The following MBD6 variants were observed in gnomAD, a reference collection of about 807,000 sequenced individuals.
MBD6 encodes the protein methyl-CpG-binding domain protein 6.
A neutral mutation model predicts 66.8 loss-of-function variants in MBD6; 22 were observed. That is an observed-to-expected ratio of 0.33 (90% CI 0.24 to 0.47). MBD6 has a LOEUF of 0.47. MBD6 is among the 20% of genes least tolerant of loss of function. The pLI is 1.00. For synonymous variants in MBD6, 540 were observed against 534.6 expected (o/e 1.01, Z -0.14); for missense variants, 1,322 against 1,286.9 (o/e 1.03, Z -0.42).
Position 57,527,617 on chromosome 12 carries a change from A to AC in MBD6, c.2200dup (p.Gln734ProfsTer4), listed in dbSNP as rs749738168. The AC allele has an allele frequency of 1.1e-5, 18 of 1,610,226 alleles. No homozygotes were observed. The highest frequency in any genetic ancestry group is 1.6e-4 in the Middle Eastern group (1 of 6,064). ...GCAAGGCCCCCTCCAACTCAGGGAG[A>AC]CCCCCCCAACTCCTTAGCCCTCTGC... On this transcript the variant is annotated frameshift_variant, in exon 8 of 13. Coordinates refer to ENST00000355673, the MANE Select transcript of MBD6 (RefSeq NM_052897.4). LOFTEE classifies it high-confidence loss of function.
upstream of MBD6, chr12:57,522,759 A>AG (rs1878463343): frequency 1.3e-5 from 2 of 153,606 alleles, no homozygotes; most frequent in Non-Finnish European, 2.8e-5. Flanking sequence ...TGCGGCAGCG[A>AG]CGGCGGCGGC....
intron 9 of MBD6, 64 bp from the exon 10 acceptor site, chr12:57,528,083 C>T (rs117084250): frequency 0.017 from 25,557 of 1,532,342 alleles, 272 homozygotes; most frequent in Non-Finnish European, 0.018. Context: ...TTAGGGCTTT[C>T]TGAGTTATAG....
At chr12:57,520,951 C>T (rs758432017), upstream of MBD6, 152 of 154,022 alleles carry the variant, frequency 9.9e-4, no homozygotes, top group Non-Finnish European at 1.9e-3. Context: ...CGGCTATCAG[C>T]CTTGGTCGCC....
In MBD6 at chr12:57,526,113, A is replaced by G. The variant is rs1029547811; in HGVS notation, c.1145A>G (p.Gln382Arg). Residue 382 changes from glutamine (Q) to arginine (R), a missense_variant, in exon 6 of 13, where the codon CAA becomes CGA. Gln to Arg is a conservative substitution (Grantham distance 43). Coordinates refer to ENST00000355673, the MANE Select transcript of MBD6 (RefSeq NM_052897.4). ...VFRLLEGRGP[Q>R]TPRRSRPRAP... The stretch of plus-strand genomic sequence containing the variant: ...CGATTGCTAGAAGGGAGAGGCCCTC[A>G]AACCCCTAGACGGAGCCGTCCTCGG... 6.2e-6 allele frequency: 10 copies of G among 1,613,784 alleles called. No homozygotes were observed. Among genetic ancestry groups the G allele is most frequent in the Non-Finnish European group, 5.9e-6 (7 of 1,179,934 alleles).
chr12:57,527,178 C>G lies in MBD6; in HGVS notation c.2033C>G (p.Ser678Cys), dbSNP rs757881272. 1.3e-6 allele frequency: 2 copies of G among 1,485,674 alleles called. No homozygotes were observed. 92.0% of individuals were successfully genotyped at this position (1,485,674 alleles called of 1,614,324 possible). Reference sequence around the variant, plus strand: ...CCCCCTACCCTCATAGCTTTAAATTCTGCGCTGCTGGCTGCCACCCTGGAT... The same window carrying G: ...CCCCCTACCCTCATAGCTTTAAATTGTGCGCTGCTGGCTGCCACCCTGGAT... ...SAPPTLIALNSALLAATLDPP... is the reference protein window; with the variant it reads ...SAPPTLIALNCALLAATLDPP... Residue 678 changes from serine (S) to cysteine (C), a missense_variant, in exon 7 of 13, where the codon TCT becomes TGT. By Grantham distance (112) the Ser-to-Cys change is moderately radical. Coordinates refer to ENST00000355673, the MANE Select transcript of MBD6 (RefSeq NM_052897.4).
chr12:57,525,858 TGCCCCTGGTCCTGGG>T lies in MBD6; in HGVS notation c.899_913del (p.Val300_Leu304del), dbSNP rs914029094. 2 of 1,453,206 alleles carry T rather than the reference TGCCCCTGGTCCTGGG, an allele frequency of 1.4e-6. No homozygotes were observed. The highest frequency in any genetic ancestry group is 9.2e-7 in the Non-Finnish European group (1 of 1,083,248). 90.0% of individuals were successfully genotyped at this position (1,453,206 alleles called of 1,614,324 possible). The stretch of plus-strand genomic sequence containing the variant: ...CCAGTGTCTTCAGCCACTATGCACC[TGCCCCTGGTCCTGGG>T]GCCCCTGGGAGGGGCCCCCACGGTG... On this transcript the variant is annotated inframe_deletion, in exon 6 of 13. Transcript: ENST00000355673.
rs1337834316 is a variant in MBD6 at position 57,526,441 on chromosome 12, A to G, written c.1420+53A>G. ...CATCCTGGCTGGAAAGAGGCAGCCAAGGCATTTAGGGGAATGTTCAGAGAG... is the reference window on the plus strand; with the variant it reads ...CATCCTGGCTGGAAAGAGGCAGCCAGGGCATTTAGGGGAATGTTCAGAGAG... On this transcript the variant is annotated intron_variant, in intron 6 of 12. Transcript: ENST00000355673. 6 of 1,529,478 alleles carry G rather than the reference A, an allele frequency of 3.9e-6. No homozygotes were observed. In the East Asian group the frequency reaches 9.0e-5, roughly 23 times the overall value. The allele number at this position is 1,529,478 out of a possible 1,614,324, so 94.7% of individuals were successfully genotyped here.
At position 57,526,007 on chromosome 12, in the gene MBD6, C is replaced by G. The variant is rs755099442; in HGVS notation, c.1039C>G (p.Arg347Gly). The change falls in exon 6 of 13, where the codon CGT (arginine) becomes GGT (glycine). Residue 347 changes from arginine (R) to glycine (G), a missense_variant. By Grantham distance (125) the Arg-to-Gly change is moderately radical. Transcript: ENST00000355673. ...CAGCACTTTACAGGGCCGAAGGCCC[C>G]GTGCCCAGGCACCCTCAGCTTCCCA... is the stretch of plus-strand genomic sequence containing the variant. ...PPSTLQGRRP[R>G]AQAPSASHSS... The G allele has an allele frequency of 9.3e-6, 15 of 1,613,942 alleles. No homozygotes were observed. In the East Asian group the frequency reaches 1.6e-4, roughly 17 times the overall value.
intron 3 of MBD6, 28 bp from the exon 4 acceptor site, chr12:57,524,692 C>A (rs1484158727): frequency 3.7e-6 from 6 of 1,606,538 alleles, no homozygotes; most frequent in Non-Finnish European, 5.1e-6. Flanking sequence ...CAGCTAACCC[C>A]ATGTCCTCTG....
At position 57,525,773 on chromosome 12, in the gene MBD6, C is replaced by T. The variant is rs1018173299; in HGVS notation, c.805C>T (p.Pro269Ser). Residue 269 changes from proline (P) to serine (S), a missense_variant, in exon 6 of 13, where the codon CCC becomes TCC. Transcript: ENST00000355673. Reference protein sequence around the residue: ...PLFHCSDALTPPPLPPSNNLP... With the variant: ...PLFHCSDALTSPPLPPSNNLP... ...CTTCCACTGTAGTGATGCCTTAACACCCCCTCCCCTGCCCCCGAGCAATAA... is the reference window on the plus strand; with the variant it reads ...CTTCCACTGTAGTGATGCCTTAACATCCCCTCCCCTGCCCCCGAGCAATAA... 1.9e-6 allele frequency: 3 copies of T among 1,613,374 alleles called. No homozygotes were observed. Among genetic ancestry groups the T allele is most frequent in the Non-Finnish European group, 2.5e-6 (3 of 1,179,666 alleles).
In MBD6 at chr12:57,525,023, A is replaced by T. The variant is rs1437697496; in HGVS notation, c.287A>T (p.Asp96Val). The change falls in exon 5 of 13, where the codon GAC (aspartate) becomes GTC (valine). Residue 96 changes from aspartate to valine, a missense_variant. Transcript: ENST00000355673. ...GAGVGPASEEDMTKLCNHRRK... is the reference protein window; with the variant it reads ...GAGVGPASEEVMTKLCNHRRK... ...GGGGTGGGGCCAGCATCAGAGGAGG[A>T]CATGACCAAGCTGTGCAACCACCGG... is the stretch of plus-strand genomic sequence containing the variant. The T allele has an allele frequency of 1.2e-6, 2 of 1,613,030 alleles. No homozygotes were observed. The highest frequency in any genetic ancestry group is 1.7e-6 in the Non-Finnish European group (2 of 1,179,678).
Position 57,524,865 on chromosome 12 carries a change from A to G in MBD6, c.216+43A>G, listed in dbSNP as rs377590759. On this transcript the variant is annotated intron_variant, in intron 4 of 12. Coordinates refer to ENST00000355673, the MANE Select transcript of MBD6 (RefSeq NM_052897.4). ...CGCCTGAGAGTACAGAGATAAGCTA[A>G]AAGTCTTAATGCAAATCACTGACTG... The G allele has an allele frequency of 3.3e-5, 53 of 1,613,112 alleles. No individual in the cohort carries two copies. In the African/African-American group the frequency reaches 6.7e-4, roughly 20 times the overall value.
At chr12:57,528,741 T>G in intron 11 of MBD6, 23 bp downstream of exon 11, 1 of 1,613,890 alleles carries the variant, frequency 6.2e-7, no homozygotes, top group Non-Finnish European at 8.5e-7. Context: ...CCTACTATAG[T>G]GCTGGCCTTT....
chr12:57,524,530 C>T, intron 3 of MBD6, 114 bp downstream of exon 3: 5 of 1,120,652 alleles, frequency 4.5e-6, no homozygotes, highest in Non-Finnish European at 5.3e-6. Flanking sequence ...CTCTCTTCCC[C>T]TTCCTTCCTC....
chr12:57,520,788 G>T (rs1331255926), upstream of MBD6: 1 of 234,754 alleles, frequency 4.3e-6, no homozygotes, highest in South Asian at 1.8e-4. Context: ...TAGCGGGGGG[G>T]GAGGGGAGGA....
Position 57,524,642 on chromosome 12 carries a change from CTT to C in MBD6, c.114-77_114-76del, listed in dbSNP as rs569248338. Reference sequence around the variant, plus strand: ...TCTGTTCTTCTAGGAGGATCTGTAACTTAAGCACTGTGCTTTAGGAGTATTGC... The same window carrying C: ...TCTGTTCTTCTAGGAGGATCTGTAACAAGCACTGTGCTTTAGGAGTATTGC... On this transcript the variant is annotated intron_variant, in intron 3 of 12. Coordinates refer to ENST00000355673, the MANE Select transcript of MBD6 (RefSeq NM_052897.4). 2.8e-4 allele frequency: 380 copies of C among 1,346,078 alleles called. No individual in the cohort carries two copies. The Admixed American group carries it at 6.1e-3, about 21-fold the overall frequency. The allele number at this position is 1,346,078 out of a possible 1,614,324, so 83.4% of individuals were successfully genotyped here.
At chr12:57,522,302 T>C (rs1294593564), upstream of MBD6, among the ~76,000 whole-genome samples, 1 of 151,976 alleles carries the variant, frequency 6.6e-6, no homozygotes, top group Admixed American at 6.5e-5. Context: ...CAGGCAGAGG[T>C]CATGTGACTT....
rs777714755 is a variant in MBD6, at chr12:57,524,667, T to A, written c.114-53T>A. On this transcript the variant is annotated intron_variant, in intron 3 of 12. Coordinates refer to ENST00000355673, the MANE Select transcript of MBD6 (RefSeq NM_052897.4). ...CTTAAGCACTGTGCTTTAGGAGTAT[T>A]GCCTGATTCGCTGCCAGCTAACCCC... 2.0e-6 allele frequency: 3 copies of A among 1,516,000 alleles called. No homozygotes were observed. In the South Asian group the frequency reaches 3.4e-5, roughly 17 times the overall value. 93.9% of individuals were successfully genotyped at this position (1,516,000 alleles called of 1,614,324 possible). A position where few individuals can be genotyped will look rare whatever the true frequency, so the allele number is the denominator to read the frequency against.
rs761487966 is a variant in MBD6, at chr12:57,526,091, T to C, written c.1123T>C (p.Leu375=). The C allele has an allele frequency of 5.8e-5, 94 of 1,613,656 alleles. No individual in the cohort carries two copies. The South Asian group carries it at 9.4e-4, about 16-fold the overall frequency. The change falls in exon 6 of 13, where the codon TTG becomes CTG. Residue 375 remains leucine, a synonymous_variant. Transcript: ENST00000355673. ...RPRRPPTVFR[L]LEGRGPQTPR... ...CCGCAGACCCCCTACTGTATTTCGA[T>C]TGCTAGAAGGGAGAGGCCCTCAAAC...
Sources: gnomAD v4.1 joint callset for allele counts (sites outside exome capture counted in the v4.1 genomes callset) on GRCh38, gnomAD v4.1.1 for gene constraint, MANE v1.5 for transcripts, NCBI Gene and HGNC (gene_info 2026-07-23, HGNC 2026-07-21) for gene names.